Variants in KSR2 observed in about 807,000 individuals in gnomAD.
KSR2 encodes kinase suppressor of ras 2.
A neutral mutation model predicts 107.8 loss-of-function variants in KSR2; 25 were observed. The observed-to-expected ratio is 0.23, with a 90% CI of 0.17 to 0.32. KSR2 has a LOEUF of 0.32. Ranked by LOEUF, KSR2 falls within the 10% of genes least tolerant of loss-of-function variation. The pLI is 1.00. For missense variants in KSR2, 887 were observed against 1,268.9 expected, an observed-to-expected ratio of 0.70 and a Z score of 4.57; for synonymous variants, 480 against 507.0, an observed-to-expected ratio of 0.95 and a Z score of 0.71.
At chr12:117,680,548 C>T (rs1885322739) in intron 4 of KSR2, among the ~76,000 whole-genome samples, 1 of 152,188 alleles carries the variant, frequency 6.6e-6, no homozygotes, top group Non-Finnish European at 1.5e-5. Flanking sequence ...CATCTCATCT[C>T]TCTCTCCTCT....
rs1941269896 is a variant in KSR2, at chr12:117,455,018, CACAGAGACAGACAGACAG to C, written c.*12163_*12180del. 1 of 134,802 alleles carries C rather than the reference CACAGAGACAGACAGACAG, an allele frequency of 7.4e-6. No homozygotes were observed. Among genetic ancestry groups the C allele is most frequent in the Admixed American group, 7.4e-5 (1 of 13,590 alleles). 8.4% of individuals were successfully genotyped at this position (134,802 alleles called of 1,614,324 possible). A position where few individuals can be genotyped will look rare whatever the true frequency, so the allele number is the denominator to read the frequency against. On this transcript the variant is annotated 3_prime_UTR_variant, in exon 20 of 20. Coordinates refer to ENST00000339824, the MANE Select transcript of KSR2 (RefSeq NM_173598.6). ...GGAGGCAGGCAGAGACAGAGACAGACACAGAGACAGACAGACAGAGAGAGAGAGAGAGAGAGAGAGAGA... is the reference window on the plus strand; with the variant it reads ...GGAGGCAGGCAGAGACAGAGACAGACAGAGAGAGAGAGAGAGAGAGAGAGA...
At chr12:117,537,707 C>T (rs151105801) in intron 10 of KSR2, among the ~76,000 whole-genome samples, 46 of 152,316 alleles carry the variant, frequency 3.0e-4, no homozygotes, top group Non-Finnish European at 5.0e-4. Context: ...GACCCCTTAG[C>T]CCAGTCCCCA....
intron 2 of KSR2, among the ~76,000 whole-genome samples, chr12:117,858,598 C>T (rs570439093): frequency 6.6e-6 from 1 of 152,254 alleles, no homozygotes; most frequent in South Asian, 2.1e-4. Context: ...AAGCAGGGAG[C>T]GCCTCGAGAG....
chr12:117,473,020 G>A (rs1871568762), intron 17 of KSR2, among the ~76,000 whole-genome samples: 1 of 152,090 alleles, frequency 6.6e-6, no homozygotes, highest in Non-Finnish European at 1.5e-5. Context: ...TCCTTAATTG[G>A]GCTTTCAAGT....
At chr12:117,469,071 G>C (rs1286509194) in intron 19 of KSR2, among the ~76,000 whole-genome samples, 3 of 152,170 alleles carry the variant, frequency 2.0e-5, no homozygotes, top group African/African-American at 7.2e-5. Flanking sequence ...TGTCGAGAGA[G>C]GTCCCAGAAA....
At chr12:117,574,137 G>A (rs1879096019) in intron 7 of KSR2, among the ~76,000 whole-genome samples, 1 of 152,134 alleles carries the variant, frequency 6.6e-6, no homozygotes, top group Non-Finnish European at 1.5e-5. Flanking sequence ...AGACATTCTA[G>A]GAGTCTGCCC....
chr12:117,509,434 G>A lies in KSR2; in HGVS notation c.2219+15418C>T, dbSNP rs559612682. On this transcript the variant is annotated intron_variant, in intron 14 of 19. Coordinates refer to ENST00000339824, the MANE Select transcript of KSR2 (RefSeq NM_173598.6). ...TGGAAAAGGGACCGAAAGAAAGAGA[G>A]CAGGGAGGTAGGAAAGCACACAAAC... 3.3e-5 allele frequency among the ~76,000 whole-genome samples: 5 copies of A among 152,314 alleles called. No homozygotes were observed. The East Asian group carries it at 7.7e-4, about 24-fold the overall frequency.
intron 3 of KSR2, among the ~76,000 whole-genome samples, chr12:117,815,102 T>G (rs1891324985): frequency 6.6e-6 from 1 of 152,210 alleles, no homozygotes; most frequent in Non-Finnish European, 1.5e-5. Context: ...CTCTTAGACC[T>G]AGCCACAAAG....
chr12:117,521,180 T>C (rs978282991), intron 14 of KSR2, among the ~76,000 whole-genome samples: 63 of 152,314 alleles, frequency 4.1e-4, no homozygotes, highest in Admixed American at 2.7e-3. Flanking sequence ...TCTGCATTTT[T>C]ACAACTTTCC....
chr12:117,825,306 A>G (rs1294545246), intron 3 of KSR2, among the ~76,000 whole-genome samples: 1 of 152,104 alleles, frequency 6.6e-6, no homozygotes, highest in Non-Finnish European at 1.5e-5. Context: ...GTGTGCATGG[A>G]AGATTGGTAG....
intron 3 of KSR2, among the ~76,000 whole-genome samples, chr12:117,840,102 T>TA (rs201917279): frequency 0.027 from 3,490 of 127,440 alleles, 145 homozygotes; most frequent in African/African-American, 0.1. Context: ...TTTATTTTAT[T>TA]TTATTTTTTT....
intron 1 of KSR2, among the ~76,000 whole-genome samples, chr12:117,950,930 T>A (rs1392198047): frequency 2.0e-5 from 3 of 151,900 alleles, no homozygotes; most frequent in Admixed American, 2.0e-4. Flanking sequence ...TATTTATTTT[T>A]TGAGATGGAA....
Position 117,876,765 on chromosome 12 carries a change from T to TTA in KSR2, c.181-16336_181-16335dup, listed in dbSNP as rs753903473. ...ATAATATAATTTGAAATATATATATTTATATATATATAACAATATTTATAT... is the reference window on the plus strand; with the variant it reads ...ATAATATAATTTGAAATATATATATTTATATATATATATAACAATATTTATAT... On this transcript the variant is annotated intron_variant, in intron 1 of 19. Transcript: ENST00000339824. Among the ~76,000 whole-genome samples, 1,348 of 148,664 alleles carry TTA rather than the reference T, an allele frequency of 9.1e-3. 11 individuals are homozygous for TTA. The highest frequency in any genetic ancestry group is 0.014 in the Non-Finnish European group (943 of 67,328).
chr12:117,527,282 CACACACACACACACACACAG>C (rs1290616373), intron 12 of KSR2, among the ~76,000 whole-genome samples, 163 bp from the exon 13 acceptor site: 120 of 112,424 alleles, frequency 1.1e-3, no homozygotes, highest in African/African-American at 4.9e-3. Flanking sequence ...ATAACCTCGA[CACACACACACACACACACAG>C]ACACACACAC....
At chr12:117,789,067 G>T (rs1262448137) in intron 3 of KSR2, among the ~76,000 whole-genome samples, 1 of 152,140 alleles carries the variant, frequency 6.6e-6, no homozygotes, top group African/African-American at 2.4e-5. Flanking sequence ...TGTTGCTGCT[G>T]GTCCAGTGAT....
At chr12:117,896,007 C>T (rs1425144108) in intron 1 of KSR2, among the ~76,000 whole-genome samples, 1 of 152,152 alleles carries the variant, frequency 6.6e-6, no homozygotes, top group Non-Finnish European at 1.5e-5. Flanking sequence ...TGCAATGAGC[C>T]AAGACCATGC....
intron 4 of KSR2, among the ~76,000 whole-genome samples, chr12:117,712,856 T>A (rs1019550459): frequency 6.6e-6 from 1 of 152,120 alleles, no homozygotes; most frequent in African/African-American, 2.4e-5. Flanking sequence ...TATAGATATA[T>A]CTAGATAGAC....
At chr12:117,540,897 A>C (rs1230739684) in intron 9 of KSR2, among the ~76,000 whole-genome samples, 1 of 152,252 alleles carries the variant, frequency 6.6e-6, no homozygotes, top group Non-Finnish European at 1.5e-5. Flanking sequence ...CTTTTGTTAC[A>C]GCAGCACCAG....
In KSR2 at chr12:117,668,618, G is replaced by C. The variant is rs1345906167; in HGVS notation, c.987-960C>G. Among the ~76,000 whole-genome samples, 8 of 152,220 alleles carry C rather than the reference G, an allele frequency of 5.3e-5. No individual in the cohort carries two copies. In the East Asian group the frequency reaches 1.3e-3, roughly 26 times the overall value. ...AACTGGTCTCACCACCCCCGGGTGA[G>C]TCCATTAAACTTCTCAAGCCTCAGT... is the stretch of plus-strand genomic sequence containing the variant. On this transcript the variant is annotated intron_variant, in intron 4 of 19. Coordinates refer to ENST00000339824, the MANE Select transcript of KSR2 (RefSeq NM_173598.6).
Sources: allele counts gnomAD v4.1 joint callset (sites outside exome capture counted in the v4.1 genomes callset), GRCh38; gene constraint gnomAD v4.1.1; transcripts MANE v1.5; gene names NCBI Gene and HGNC (gene_info 2026-07-23, HGNC 2026-07-21).